SGTA: variants seen among roughly 807,000 people sequenced by gnomAD.
The protein encoded by SGTA is small glutamine rich tetratricopeptide repeat co-chaperone alpha.
In SGTA, 22 loss-of-function variants were observed where a neutral mutation model predicts 44.3. The observed-to-expected ratio is 0.50, with a 90% CI of 0.36 to 0.71. The LOEUF (loss-of-function observed/expected upper bound fraction) is 0.71, where lower values mean the gene tolerates loss of function less well. SGTA is among the 30% of genes least tolerant of loss of function. The pLI is 0.00. For synonymous variants in SGTA, 174 were observed against 177.6 expected (o/e 0.98, Z 0.16); for missense variants, 341 against 435.9 (o/e 0.78, Z 1.94).
At chr19:2,756,674 G>T (rs1198767931) in intron 11 of SGTA, among the ~76,000 whole-genome samples, 1 of 151,826 alleles carries the variant, frequency 6.6e-6, no homozygotes, top group Non-Finnish European at 1.5e-5. Flanking sequence ...AGACAGACAG[G>T]ACTGAACTCA....
intron 10 of SGTA, 112 bp downstream of exon 10, chr19:2,757,581 C>T: frequency 1.4e-6 from 2 of 1,466,710 alleles, no homozygotes; most frequent in South Asian, 2.6e-5. Flanking sequence ...CTGGAGGACG[C>T]TGGGCCCTTC....
rs1037015434 is a variant in SGTA at position 2,769,018 on chromosome 19, G to A, written c.51C>T (p.Asp17=). 6.2e-7 allele frequency: 1 copy of A among 1,614,046 alleles called. No individual in the cohort carries two copies. Among genetic ancestry groups the A allele is most frequent in the Non-Finnish European group, 8.5e-7 (1 of 1,179,984 alleles). The change falls in exon 2 of 12, where the codon GAC becomes GAT. Residue 17 remains aspartate, a synonymous_variant. Transcript: ENST00000221566. ...ACGAGAGGCCCCCGTGCCGGAGCTG[G>A]TCATGCAGGAACTGGATGATGGCGT... is the stretch of plus-strand genomic sequence containing the variant. The part of the protein sequence containing the change: ...LAYAIIQFLH[D]QLRHGGLSSD...
intron 1 of SGTA, among the ~76,000 whole-genome samples, chr19:2,772,887 A>G (rs10414682): frequency 0.013 from 645 of 48,054 alleles, 11 homozygotes; most frequent in African/African-American, 0.038. Flanking sequence ...CGAGGGCAGA[A>G]ATGGGTGACG....
chr19:2,780,923 AC>A (rs373453858), intron 1 of SGTA, among the ~76,000 whole-genome samples: 126 of 152,262 alleles, frequency 8.3e-4, no homozygotes, highest in African/African-American at 2.8e-3. Context: ...CATCTCTAAA[AC>A]AAAATACAAA....
intron 2 of SGTA, among the ~76,000 whole-genome samples, chr19:2,768,688 G>A (rs1426305791): frequency 6.6e-6 from 1 of 152,238 alleles, no homozygotes; most frequent in Non-Finnish European, 1.5e-5. Flanking sequence ...ACACCTTGGT[G>A]GAAGATGGGG....
chr19:2,769,214 G>A, intron 1 of SGTA, 123 bp from the exon 2 acceptor site: 1 of 618,968 alleles, frequency 1.6e-6, no homozygotes. Flanking sequence ...CTCCAGGACA[G>A]CCCAGGTAGA....
In SGTA at chr19:2,763,692, C is replaced by A; in HGVS notation, c.458G>T (p.Cys153Phe). 1 of 1,613,770 alleles carries A rather than the reference C, an allele frequency of 6.2e-7. No individual in the cohort carries two copies. Among genetic ancestry groups the A allele is most frequent in the Non-Finnish European group, 8.5e-7 (1 of 1,179,932 alleles). Residue 153 changes from cysteine to phenylalanine, a missense_variant, in exon 6 of 12, where the codon TGC becomes TTC. Transcript: ENST00000221566. This position sits in a 1 kb window ranked among gnomAD's most constrained non-coding sequence, Gnocchi z 5.8. The part of the protein sequence containing the change: ...GAVQDCERAI[C>F]IDPAYSKAYG... ...GGCCTTGCTGTAGGCCGGGTCAATG[C>A]AGATGGCCCGCTCACAGTCCTGCAC...
chr19:2,762,816 C>A (rs1376062237), intron 6 of SGTA, among the ~76,000 whole-genome samples, 172 bp from the exon 7 acceptor site: 1 of 152,096 alleles, frequency 6.6e-6, no homozygotes, highest in African/African-American at 2.4e-5. Context: ...GGCCCAGGGG[C>A]AGGACTGAGG....
intron 1 of SGTA, among the ~76,000 whole-genome samples, chr19:2,772,847 G>A (rs10412283): frequency 0.022 from 2,068 of 95,410 alleles, 80 homozygotes; most frequent in African/African-American, 0.091. Flanking sequence ...GAGGGCAGAG[G>A]TGGGTGACGC....
At position 2,767,571 on chromosome 19, in the gene SGTA, G is replaced by A. The variant is rs370698625; in HGVS notation, c.207+9C>T. On this transcript the variant is annotated intron_variant, in intron 3 of 11. Coordinates refer to ENST00000221566, the MANE Select transcript of SGTA (RefSeq NM_003021.4). This position sits in a 1 kb window ranked among gnomAD's most constrained non-coding sequence, Gnocchi z 7.3. ...TGGGGGCAGTGGCTGGGGAAGCATC[G>A]AGGCTCACCTTGCCCGTGGCAGCCG... 4.9e-5 allele frequency: 79 copies of A among 1,608,626 alleles called. No homozygotes were observed. Among genetic ancestry groups the A allele is most frequent in the Non-Finnish European group, 6.1e-5 (72 of 1,176,192 alleles).
chr19:2,761,238 T>C lies in SGTA; in HGVS notation c.699+222A>G, dbSNP rs549130581. On this transcript the variant is annotated intron_variant, in intron 8 of 11. Transcript: ENST00000221566. The surrounding 1 kb of genome is among the most constrained non-coding windows in gnomAD (Gnocchi z 5.7). Reference sequence around the variant, plus strand: ...CATCAACATTGGGGACACTTTTGATTGTCGAAGCAGAGGGTGGGGGTGCTC... The same window carrying C: ...CATCAACATTGGGGACACTTTTGATCGTCGAAGCAGAGGGTGGGGGTGCTC... Among the ~76,000 whole-genome samples the C allele has an allele frequency of 1.6e-4, 25 of 152,020 alleles. No individual in the cohort carries two copies. Among genetic ancestry groups the C allele is most frequent in the Non-Finnish European group, 2.6e-4 (18 of 67,992 alleles).
chr19:2,762,697 C>A (rs541445098), intron 6 of SGTA, 53 bp from the exon 7 acceptor site: 23 of 1,600,840 alleles, frequency 1.4e-5, no homozygotes, highest in Admixed American at 8.4e-5. Context: ...CTCCAGGAGG[C>A]CCCGCCAAAG....
In SGTA at chr19:2,761,141, G is replaced by A. The variant is rs1914977729; in HGVS notation, c.699+319C>T. Among the ~76,000 whole-genome samples, 2 of 152,202 alleles carry A rather than the reference G, an allele frequency of 1.3e-5. No individual in the cohort carries two copies. The highest frequency in any genetic ancestry group is 4.8e-5 in the African/African-American group (2 of 41,446). The stretch of plus-strand genomic sequence containing the variant: ...AGGAGCCCACGCCAGGGTGGGGTGG[G>A]GGTGTGACCTCCCTGGGCTCAGCCA... On this transcript the variant is annotated intron_variant, in intron 8 of 11. Coordinates refer to ENST00000221566, the MANE Select transcript of SGTA (RefSeq NM_003021.4). This position sits in a 1 kb window ranked among gnomAD's most constrained non-coding sequence, Gnocchi z 5.7.
chr19:2,774,247 C>A (rs930567089), intron 1 of SGTA, among the ~76,000 whole-genome samples: 3 of 152,160 alleles, frequency 2.0e-5, no homozygotes, highest in African/African-American at 7.2e-5. Context: ...GGCCCTGTCT[C>A]CAGCTGAACT....
rs115304282 is a variant in SGTA, at chr19:2,781,776, A to G, written c.-24+1457T>C. Among the ~76,000 whole-genome samples, 488 of 152,272 alleles carry G rather than the reference A, an allele frequency of 3.2e-3. 9 individuals are homozygous for G. Among genetic ancestry groups the G allele is most frequent in the African/African-American group, 0.011 (469 of 41,536 alleles). On this transcript the variant is annotated intron_variant, in intron 1 of 11. Transcript: ENST00000221566. ...ATTGGGTGCACACACAAAACTTTGT[A>G]CACGATTTCCCGGGCCCACACAGTC...
At chr19:2,781,867 G>C (rs1915583894) in intron 1 of SGTA, among the ~76,000 whole-genome samples, 1 of 150,138 alleles carries the variant, frequency 6.7e-6, no homozygotes, top group Non-Finnish European at 1.5e-5. Flanking sequence ...TTTTTGACAG[G>C]GTCTCGCTCT....
At chr19:2,756,284 A>C (rs1285559404) in intron 11 of SGTA, among the ~76,000 whole-genome samples, 1 of 152,082 alleles carries the variant, frequency 6.6e-6, no homozygotes, top group Non-Finnish European at 1.5e-5. Context: ...AGGCGGCCAA[A>C]ATATTAATGT....
intron 4 of SGTA, among the ~76,000 whole-genome samples, chr19:2,766,777 C>T (rs1426767316): frequency 2.0e-5 from 3 of 151,784 alleles, no homozygotes; most frequent in Admixed American, 6.6e-5. Flanking sequence ...CTGCTGTGAA[C>T]ATGTGTCTGG....
chr19:2,771,625 C>T (rs1028468173), intron 1 of SGTA, among the ~76,000 whole-genome samples: 3 of 147,792 alleles, frequency 2.0e-5, no homozygotes, highest in Middle Eastern at 6.8e-3. Flanking sequence ...GCTGAGTGAA[C>T]ACCCCCACAC....
Sources: allele counts gnomAD v4.1 joint callset (sites outside exome capture counted in the v4.1 genomes callset), GRCh38; gene constraint gnomAD v4.1.1; non-coding constraint Gnocchi (gnomAD v3.1); transcripts MANE v1.5; gene names NCBI Gene and HGNC (gene_info 2026-07-23, HGNC 2026-07-21).